FGF13: variants seen among roughly 807,000 people sequenced by gnomAD.
FGF13 encodes fibroblast growth factor 13.
Under a neutral mutation model 19.5 loss-of-function variants are expected in FGF13, and 2 were observed. That is an observed-to-expected ratio of 0.10 (90% confidence interval 0.04 to 0.32). The LOEUF (loss-of-function observed/expected upper bound fraction) is 0.32. Ranked by LOEUF, FGF13 falls within the 10% of genes least tolerant of loss-of-function variation. The pLI is 1.00. For synonymous variants in FGF13, 72 were observed against 76.9 expected, an observed-to-expected ratio of 0.94 and a Z score of 0.33; for missense variants, 113 against 192.7, an observed-to-expected ratio of 0.59 and a Z score of 2.45.
Position 139,094,830 on chromosome X carries a change from C to T in FGF13, c.-113+108586G>A, listed in dbSNP as rs1300742691. On this transcript the variant is annotated intron_variant, in intron 1 of 2. Transcript: ENST00000421460. ...ACTCTGGATGAGACACTCCTCCTTTCTGGTCTTTAGCTTTTTATCTACACA... is the reference window on the plus strand; with the variant it reads ...ACTCTGGATGAGACACTCCTCCTTTTTGGTCTTTAGCTTTTTATCTACACA... Among the ~76,000 whole-genome samples, 3 of 111,688 alleles carry T rather than the reference C, an allele frequency of 2.7e-5. No individual in the cohort carries two copies. The East Asian group carries it at 8.5e-4, about 32-fold the overall frequency.
intron 1 of FGF13, among the ~76,000 whole-genome samples, chrX:138,974,939 G>A (rs1467189047): frequency 1.8e-5 from 2 of 112,260 alleles, no homozygotes; most frequent in Non-Finnish European, 3.8e-5. Flanking sequence ...CCCTAAATCA[G>A]AACACATAGT....
chrX:138,902,556 G>T (rs1227856246), intron 1 of FGF13, among the ~76,000 whole-genome samples: 1 of 110,990 alleles, frequency 9.0e-6, no homozygotes, highest in Admixed American at 9.6e-5. Flanking sequence ...CTATTTTGGG[G>T]GTAGGAACAA....
At chrX:139,110,502 TTC>T (rs2083593764) in intron 1 of FGF13, among the ~76,000 whole-genome samples, 1 of 111,196 alleles carries the variant, frequency 9.0e-6, no homozygotes, top group Admixed American at 9.6e-5. Context: ...TTCTCCCTCA[TTC>T]TCTCTTGCTG....
intron 3 of FGF13, among the ~76,000 whole-genome samples, chrX:138,748,453 C>T (rs938065315): frequency 3.1e-4 from 34 of 111,083 alleles, no homozygotes; most frequent in African/African-American, 1.1e-3. Flanking sequence ...AAGAGGTGGC[C>T]ATCTATAAGC....
intron 1 of FGF13, among the ~76,000 whole-genome samples, chrX:139,067,331 G>T (rs1318499051): frequency 2.7e-5 from 3 of 111,671 alleles, no homozygotes; most frequent in Non-Finnish European, 5.6e-5. Flanking sequence ...TAGGAAAAGA[G>T]GAAGTCAAAT....
intron 1 of FGF13, among the ~76,000 whole-genome samples, chrX:139,152,255 C>T (rs1027022003): frequency 6.8e-5 from 7 of 103,185 alleles, no homozygotes; most frequent in African/African-American, 2.2e-4. Context: ...AAATTCAGAG[C>T]GAACTGTCAT....
chrX:138,865,217 T>G (rs1436880547), intron 1 of FGF13, among the ~76,000 whole-genome samples: 1 of 111,626 alleles, frequency 9.0e-6, no homozygotes, highest in Non-Finnish European at 1.9e-5. Context: ...TGGTTCTCAG[T>G]TGTGGTTTAG....
chrX:138,731,531 T>C (rs964249410), intron 1 of FGF13, among the ~76,000 whole-genome samples: 2 of 110,294 alleles, frequency 1.8e-5, no homozygotes, highest in Non-Finnish European at 3.8e-5. Flanking sequence ...ATGAAGTTAA[T>C]GTAAAGCTGT....
chrX:139,198,275 A>G (rs2084389979), intron 1 of FGF13, among the ~76,000 whole-genome samples: 1 of 111,880 alleles, frequency 8.9e-6, no homozygotes. Flanking sequence ...GCCTTTCACC[A>G]GAAGATTCTT....
chrX:139,073,128 GT>G (rs200376402), intron 1 of FGF13, among the ~76,000 whole-genome samples: 38 of 96,749 alleles, frequency 3.9e-4, no homozygotes, highest in African/African-American at 1.1e-3. Context: ...GTTTGGAGCT[GT>G]TTTTCCCCCC....
At chrX:138,799,606 G>C (rs1473969608) in intron 3 of FGF13, among the ~76,000 whole-genome samples, 3 of 111,259 alleles carry the variant, frequency 2.7e-5, no homozygotes, top group African/African-American at 9.8e-5. Flanking sequence ...TTCAAGTCCT[G>C]AATATCCTTT....
At chrX:139,002,257 G>A (rs1356024965) in intron 1 of FGF13, among the ~76,000 whole-genome samples, 1 of 110,955 alleles carries the variant, frequency 9.0e-6, no homozygotes, top group Non-Finnish European at 1.9e-5. Flanking sequence ...GTTGATGGGT[G>A]TAGCAAACTC....
At chrX:138,954,740 G>C (rs147585395) in intron 1 of FGF13, among the ~76,000 whole-genome samples, 3,136 of 111,454 alleles carry the variant, frequency 0.028, 122 homozygotes, top group African/African-American at 0.097. Context: ...ATCCCTCAAC[G>C]TTCACCCTAT....
downstream of FGF13, among the ~76,000 whole-genome samples, chrX:138,857,046 C>T (rs2091261830): frequency 1.8e-5 from 2 of 112,039 alleles, no homozygotes; most frequent in Admixed American, 1.9e-4. Context: ...CTTCAGCAAA[C>T]TAAGTAGATC....
At chrX:138,827,595 G>T (rs1177624691) in intron 3 of FGF13, among the ~76,000 whole-genome samples, 3 of 111,183 alleles carry the variant, frequency 2.7e-5, no homozygotes, top group Non-Finnish European at 5.6e-5. Context: ...TAAGTGTTAG[G>T]AACAGAATAT....
At chrX:138,882,469 A>G (rs17001805) in intron 1 of FGF13, among the ~76,000 whole-genome samples, 5,137 of 111,851 alleles carry the variant, frequency 0.046, 309 homozygotes, top group African/African-American at 0.16. Context: ...GGAATCAAAT[A>G]ACTTTCTCAA....
chrX:139,086,658 C>T (rs2083405606), intron 1 of FGF13, among the ~76,000 whole-genome samples: 1 of 111,228 alleles, frequency 9.0e-6, no homozygotes, highest in Non-Finnish European at 1.9e-5. Flanking sequence ...CACATGTGCC[C>T]CATTAATAAA....
At chrX:138,853,599 A>ATGTG (rs369190425), downstream of FGF13, among the ~76,000 whole-genome samples, 1 of 94,768 alleles carries the variant, frequency 1.1e-5, no homozygotes, top group Admixed American at 1.2e-4. Flanking sequence ...GGAAGACAGA[A>ATGTG]TGTGTGTGTG....
intron 3 of FGF13, among the ~76,000 whole-genome samples, chrX:138,652,966 C>A (rs757187043): frequency 1.8e-5 from 2 of 112,136 alleles, no homozygotes; most frequent in South Asian, 7.4e-4. Context: ...ATGAAGAATA[C>A]ATCTTTCCAA....
Sources: gnomAD v4.1 joint callset for allele counts (sites outside exome capture counted in the v4.1 genomes callset) on GRCh38, gnomAD v4.1.1 for gene constraint, MANE v1.5 for transcripts, NCBI Gene and HGNC (gene_info 2026-07-23, HGNC 2026-07-21) for gene names.